GPBP1L1: variants seen among roughly 807,000 people sequenced by gnomAD.
The protein encoded by GPBP1L1 is GC-rich promoter binding protein 1 like 1.
Under a neutral mutation model 52.5 loss-of-function variants are expected in GPBP1L1, and 23 were observed. The observed-to-expected ratio is 0.44, with a 90% CI of 0.32 to 0.62. The LOEUF (loss-of-function observed/expected upper bound fraction) is 0.62, where lower values mean the gene tolerates loss of function less well. Ranked by LOEUF, GPBP1L1 falls within the 20% of genes least tolerant of loss-of-function variation. The pLI is 0.06. For missense variants in GPBP1L1, 596 were observed against 579.3 expected, an observed-to-expected ratio of 1.03 and a Z score of -0.30; for synonymous variants, 243 against 203.1, an observed-to-expected ratio of 1.20 and a Z score of -1.67.
intron 2 of GPBP1L1, among the ~76,000 whole-genome samples, chr1:45,668,102 T>C (rs188676776): frequency 1.6e-4 from 24 of 152,252 alleles, no homozygotes; most frequent in African/African-American, 5.3e-4. Context: ...CACTCACCCA[T>C]TTATTCCTCA....
At chr1:45,670,787 CTT>C (rs1157864588) in intron 2 of GPBP1L1, among the ~76,000 whole-genome samples, 101 of 111,162 alleles carry the variant, frequency 9.1e-4, no homozygotes, top group Middle Eastern at 5.3e-3. Flanking sequence ...TACCATATGT[CTT>C]TTTTTTTTTT....
Position 45,628,296 on chromosome 1 carries a change from G to A in GPBP1L1, c.1385C>T (p.Thr462Ile), listed in dbSNP as rs148623746. ...GTCATCTGATGTTTCACTGCTACTG[G>A]TTTCGGTGTCTGAGTCCTCAAACTC... ...KAEFEDSDTETSSSETSDDDA... is the reference protein window; with the variant it reads ...KAEFEDSDTEISSSETSDDDA... Residue 462 changes from threonine to isoleucine, a missense_variant, in exon 13 of 13, where the codon ACC becomes ATC. Physicochemically the swap from Thr to Ile is moderately conservative, Grantham distance 89 (BLOSUM62 -1). Transcript: ENST00000355105. 10 of 1,614,126 alleles carry A rather than the reference G, an allele frequency of 6.2e-6. No individual in the cohort carries two copies. Among genetic ancestry groups the A allele is most frequent in the Non-Finnish European group, 8.5e-6 (10 of 1,180,016 alleles).
Position 45,654,570 on chromosome 1 carries a change from T to A in GPBP1L1, c.450A>T (p.Glu150Asp). ...AGTCCTCCTCTTCAAACTGCAACTTTTCCACCTTGTCTTCTTTCTTTTCTT... is the reference window on the plus strand; with the variant it reads ...AGTCCTCCTCTTCAAACTGCAACTTATCCACCTTGTCTTCTTTCTTTTCTT... ...IREEKKEDKV[E>D]KLQFEEEDFP... Residue 150 changes from glutamate (E) to aspartate (D), a missense_variant, in exon 6 of 13, where the codon GAA becomes GAT. Physicochemically the swap from Glu to Asp is conservative, Grantham distance 45. Coordinates refer to ENST00000355105, the MANE Select transcript of GPBP1L1 (RefSeq NM_021639.5). The A allele has an allele frequency of 6.2e-7, 1 of 1,611,878 alleles. No homozygotes were observed. The highest frequency in any genetic ancestry group is 8.5e-7 in the Non-Finnish European group (1 of 1,178,110).
Position 45,630,523 on chromosome 1 carries a change from T to C in GPBP1L1, c.1128A>G (p.Glu376=). 1 of 1,613,916 alleles carries C rather than the reference T, an allele frequency of 6.2e-7. No individual in the cohort carries two copies. The highest frequency in any genetic ancestry group is 8.5e-7 in the Non-Finnish European group (1 of 1,179,818). The change falls in exon 11 of 13, where the codon GAA becomes GAG. Residue 376 remains glutamate (E), a synonymous_variant. Coordinates refer to ENST00000355105, the MANE Select transcript of GPBP1L1 (RefSeq NM_021639.5). ...GAGAGTGTGAGAGAACCTCCCCTTC[T>C]TCCACTACAGGGAGGGCAAGACCAT... is the stretch of plus-strand genomic sequence containing the variant. ...HQNGLALPVV[E]EGEVLSHSLE...
chr1:45,683,918 T>C (rs921285646), intron 2 of GPBP1L1, among the ~76,000 whole-genome samples: 9 of 146,096 alleles, frequency 6.2e-5, no homozygotes, highest in Non-Finnish European at 1.4e-4. Context: ...TGAGACCCCG[T>C]ATCAAAAACA....
rs1352090454 is a variant in GPBP1L1, at chr1:45,660,873, T to A, written c.-745A>T. 1 of 152,248 alleles carries A rather than the reference T, an allele frequency of 6.6e-6. No homozygotes were observed. The highest frequency in any genetic ancestry group is 6.5e-5 in the Admixed American group (1 of 15,280). The allele number at this position is 152,248 out of a possible 1,614,324, so 9.4% of individuals were successfully genotyped here. A position where few individuals can be genotyped will look rare whatever the true frequency, so the allele number is the denominator to read the frequency against. On this transcript the variant is annotated 5_prime_UTR_variant, in exon 3 of 13. Coordinates refer to ENST00000355105, the MANE Select transcript of GPBP1L1 (RefSeq NM_021639.5). Reference sequence around the variant, plus strand: ...AAAATAGACAGGAATTTGCTACACTTTTCCCTCCACGAACAGCAGCTTTCA... The same window carrying A: ...AAAATAGACAGGAATTTGCTACACTATTCCCTCCACGAACAGCAGCTTTCA...
chr1:45,684,161 G>C (rs968711823), intron 2 of GPBP1L1, among the ~76,000 whole-genome samples: 2 of 144,602 alleles, frequency 1.4e-5, no homozygotes, highest in Admixed American at 1.5e-4. Context: ...GGGAGGCTGA[G>C]ACAGGTGAAT....
At chr1:45,649,592 T>G (rs1160582903) in intron 6 of GPBP1L1, among the ~76,000 whole-genome samples, 1 of 152,164 alleles carries the variant, frequency 6.6e-6, no homozygotes, top group Non-Finnish European at 1.5e-5. Flanking sequence ...GGAAGGAATG[T>G]TACAGAGGTG....
intron 7 of GPBP1L1, 26 bp downstream of exon 7, chr1:45,642,401 C>T: frequency 1.3e-6 from 2 of 1,538,894 alleles, no homozygotes; most frequent in Non-Finnish European, 1.8e-6. Flanking sequence ...TAAAGTTGTG[C>T]CTTTAAAATG....
chr1:45,630,799 G>T, intron 10 of GPBP1L1, 193 bp from the exon 11 acceptor site: 1 of 579,124 alleles, frequency 1.7e-6, no homozygotes, highest in Non-Finnish European at 3.0e-6. Flanking sequence ...TTAATGAAAA[G>T]GCAAAAGATC....
intron 6 of GPBP1L1, among the ~76,000 whole-genome samples, chr1:45,643,600 G>A (rs545341976): frequency 1.8e-3 from 268 of 148,230 alleles, no homozygotes; most frequent in African/African-American, 6.0e-3. Context: ...ATAACTAATC[G>A]TATGACACTG....
intron 9 of GPBP1L1, 191 bp downstream of exon 9, chr1:45,633,905 C>A: frequency 1.5e-6 from 1 of 680,622 alleles, no homozygotes. Context: ...GACCTTGGTC[C>A]ACCACAGAGC....
chr1:45,672,715 A>G (rs1197074030), intron 2 of GPBP1L1, among the ~76,000 whole-genome samples: 1 of 152,238 alleles, frequency 6.6e-6, no homozygotes, highest in African/African-American at 2.4e-5. Flanking sequence ...CTTGACATAC[A>G]GCTTTAAAGA....
chr1:45,640,753 A>C (rs1037776082), intron 7 of GPBP1L1, among the ~76,000 whole-genome samples: 2 of 152,188 alleles, frequency 1.3e-5, no homozygotes, highest in Non-Finnish European at 2.9e-5. Context: ...TCATGCCTGT[A>C]ATCTCAGCAC....
chr1:45,643,320 G>A (rs1411724679), intron 6 of GPBP1L1, among the ~76,000 whole-genome samples: 2 of 152,214 alleles, frequency 1.3e-5, no homozygotes, highest in Non-Finnish European at 2.9e-5. Flanking sequence ...GCAGGCAAGA[G>A]CCAGCTTGTG....
At chr1:45,629,454 T>TCCACCCCCCCCCCC (rs1644499671) in intron 12 of GPBP1L1, 122 bp downstream of exon 12, 1 of 117,288 alleles carries the variant, frequency 8.5e-6, no homozygotes, top group African/African-American at 5.1e-5. Context: ...ACTAAGGTAA[T>TCCACCCCCCCCCCC]CCCCCCCCCC....
intron 2 of GPBP1L1, among the ~76,000 whole-genome samples, chr1:45,677,465 A>G (rs1304429193): frequency 6.6e-6 from 1 of 152,036 alleles, no homozygotes; most frequent in African/African-American, 2.4e-5. Context: ...TCATGCCACT[A>G]CACTCCAGCC....
Position 45,642,451 on chromosome 1 carries a change from T to G in GPBP1L1, c.526A>C (p.Ile176Leu). Reference sequence around the variant, plus strand: ...CCCCATACTCCAGAAGGTGTCCCAATAGGTCTGCATGGCTGATGCTGTTTG... The same window carrying G: ...CCCCATACTCCAGAAGGTGTCCCAAGAGGTCTGCATGGCTGATGCTGTTTG... ...AGKQHQPCRP[I>L]GTPSGVWENP... Residue 176 changes from isoleucine to leucine, a missense_variant, in exon 7 of 13, where the codon ATT (isoleucine) becomes CTT (leucine). By Grantham distance (5) the Ile-to-Leu change is conservative. Transcript: ENST00000355105. 6.2e-7 allele frequency: 1 copy of G among 1,614,036 alleles called. No homozygotes were observed. The highest frequency in any genetic ancestry group is 8.5e-7 in the Non-Finnish European group (1 of 1,179,922).
In GPBP1L1 at chr1:45,633,627, A is replaced by G. The variant is rs755279826; in HGVS notation, c.906T>C (p.Pro302=). 6.2e-7 allele frequency: 1 copy of G among 1,613,888 alleles called. No individual in the cohort carries two copies. Among genetic ancestry groups the G allele is most frequent in the Admixed American group, 1.7e-5 (1 of 59,990 alleles). The change falls in exon 10 of 13, where the codon CCT becomes CCC. Residue 302 remains proline, a synonymous_variant. Coordinates refer to ENST00000355105, the MANE Select transcript of GPBP1L1 (RefSeq NM_021639.5). ...SPKESPSSTT[P]PIEISSSRLT... ...GACGAGAGGAGCTGATCTCAATTGGAGGGGTGGTGCTGGAGGGACTCTGGG... is the reference window on the plus strand; with the variant it reads ...GACGAGAGGAGCTGATCTCAATTGGGGGGGTGGTGCTGGAGGGACTCTGGG...
Sources: gnomAD v4.1 joint callset for allele counts (sites outside exome capture counted in the v4.1 genomes callset) on GRCh38, gnomAD v4.1.1 for gene constraint, MANE v1.5 for transcripts, NCBI Gene and HGNC (gene_info 2026-07-23, HGNC 2026-07-21) for gene names.